ANP32B: variants seen among roughly 807,000 people sequenced by gnomAD.
ANP32B encodes acidic leucine-rich nuclear phosphoprotein 32 family member B.
ANP32B carries 6 observed loss-of-function variants against 32.2 expected under a neutral mutation model. That is an observed-to-expected ratio of 0.19 (90% confidence interval 0.10 to 0.37). ANP32B has a LOEUF of 0.37. Ranked by LOEUF, ANP32B falls within the 10% of genes least tolerant of loss-of-function variation. ANP32B has a pLI of 1.00. For synonymous variants in ANP32B, 98 were observed against 105.8 expected (o/e 0.93, Z 0.45); for missense variants, 204 against 289.2 (o/e 0.71, Z 2.14).
chr9:97,994,606 A>T (rs1284199439), intron 1 of ANP32B, 25 bp from the exon 2 acceptor site: 1 of 1,546,700 alleles, frequency 6.5e-7, no homozygotes. Context: ...TTGAGAGCTT[A>T]TCCTTTTTTC....
intron 4 of ANP32B, among the ~76,000 whole-genome samples, chr9:98,009,820 G>A (rs972732321): frequency 5.9e-5 from 9 of 152,218 alleles, no homozygotes; most frequent in African/African-American, 2.2e-4. Context: ...GAAAATAGAG[G>A]AGGAAAAGCA....
At chr9:97,990,814 C>CTTTTT (rs34489949) in intron 1 of ANP32B, among the ~76,000 whole-genome samples, 9 of 98,886 alleles carry the variant, frequency 9.1e-5, no homozygotes, top group South Asian at 8.1e-4. Context: ...ACAGTTGAAC[C>CTTTTT]TTTTTTTTTT....
chr9:98,001,867 C>T (rs898937547), intron 3 of ANP32B, among the ~76,000 whole-genome samples: 2 of 151,990 alleles, frequency 1.3e-5, no homozygotes, highest in African/African-American at 2.4e-5. Flanking sequence ...AAAAAACCTT[C>T]GATACAAAGT....
chr9:98,001,826 T>G (rs992125861), intron 3 of ANP32B, among the ~76,000 whole-genome samples: 1 of 152,168 alleles, frequency 6.6e-6, no homozygotes, highest in African/African-American at 2.4e-5. Flanking sequence ...TACTGGGTGC[T>G]TTATGCATGT....
At chr9:97,983,966 G>A (rs1467998894) in intron 1 of ANP32B, among the ~76,000 whole-genome samples, 1 of 151,054 alleles carries the variant, frequency 6.6e-6, no homozygotes, top group Non-Finnish European at 1.5e-5. Flanking sequence ...CAGCCTCCCG[G>A]GATGCGCGGC....
intron 4 of ANP32B, among the ~76,000 whole-genome samples, chr9:98,005,519 CAAAAA>C (rs757340988): frequency 6.9e-6 from 1 of 144,294 alleles, no homozygotes; most frequent in African/African-American, 2.6e-5. Flanking sequence ...CAGGGTGTCT[CAAAAA>C]AAAAAGCTAC....
At chr9:98,010,035 T>G (rs778820166) in intron 4 of ANP32B, among the ~76,000 whole-genome samples, 1 of 152,186 alleles carries the variant, frequency 6.6e-6, no homozygotes, top group Non-Finnish European at 1.5e-5. Flanking sequence ...CATTTGTGCT[T>G]GTTGTCTATT....
In ANP32B at chr9:97,998,549, C is replaced by G; in HGVS notation, c.205-7C>G. Reference sequence around the variant, plus strand: ...TGTGTTTGTGTTGTGTCCATTTTCTCTTGCAGCTTGAACTCAGTGAAAATA... The same window carrying G: ...TGTGTTTGTGTTGTGTCCATTTTCTGTTGCAGCTTGAACTCAGTGAAAATA... On this transcript the variant is annotated splice_polypyrimidine_tract_variant and splice_region_variant and intron_variant, in intron 2 of 6. Transcript: ENST00000339399. The G allele has an allele frequency of 6.2e-7, 1 of 1,600,790 alleles. No individual in the cohort carries two copies. Among genetic ancestry groups the G allele is most frequent in the Non-Finnish European group, 8.5e-7 (1 of 1,176,142 alleles).
chr9:97,984,072 G>T (rs532425040), intron 1 of ANP32B, among the ~76,000 whole-genome samples: 2 of 150,124 alleles, frequency 1.3e-5, no homozygotes, highest in South Asian at 4.1e-4. Context: ...GAAGGGGCGC[G>T]GGTGGGGCGG....
chr9:97,989,237 A>G (rs1453329466), intron 1 of ANP32B, among the ~76,000 whole-genome samples: 1 of 152,180 alleles, frequency 6.6e-6, no homozygotes, highest in Admixed American at 6.5e-5. Context: ...AATCATTGTT[A>G]TATCCTCCAG....
chr9:97,983,670 CT>C, intron 1 of ANP32B, 61 bp downstream of exon 1: 1 of 1,356,242 alleles, frequency 7.4e-7, no homozygotes, highest in South Asian at 1.3e-5. Context: ...TGGTGGCCAC[CT>C]GCGGGGCCCG....
At position 97,984,165 on chromosome 9, in the gene ANP32B, T is replaced by A. The variant is rs1242159605; in HGVS notation, c.54+556T>A. 2.7e-5 allele frequency among the ~76,000 whole-genome samples: 4 copies of A among 149,910 alleles called. No individual in the cohort carries two copies. The East Asian group carries it at 8.0e-4, about 30-fold the overall frequency. ...GTCGTGGGGCGAGGAGGGGGCTTTT[T>A]TCTTTTGAAGGGAGCGAGAAGCCCC... On this transcript the variant is annotated intron_variant, in intron 1 of 6. Transcript: ENST00000339399.
At chr9:97,993,946 T>C (rs1827867865) in intron 1 of ANP32B, among the ~76,000 whole-genome samples, 1 of 152,216 alleles carries the variant, frequency 6.6e-6, no homozygotes, top group Non-Finnish European at 1.5e-5. Context: ...TGTGATACTC[T>C]TGGATGGACT....
At position 97,994,567 on chromosome 9, in the gene ANP32B, C is replaced by T. The variant is rs911503126; in HGVS notation, c.55-64C>T. On this transcript the variant is annotated intron_variant, in intron 1 of 6. Coordinates refer to ENST00000339399, the MANE Select transcript of ANP32B (RefSeq NM_006401.3). Reference sequence around the variant, plus strand: ...TGCAGGATATTTATGGTAGAAGTTTCTGCATTGTTGTTTGTTTTCAATGTG... The same window carrying T: ...TGCAGGATATTTATGGTAGAAGTTTTTGCATTGTTGTTTGTTTTCAATGTG... 8 of 1,523,132 alleles carry T rather than the reference C, an allele frequency of 5.3e-6. No homozygotes were observed. The Admixed American group carries it at 8.6e-5, about 16-fold the overall frequency. 94.4% of individuals were successfully genotyped at this position (1,523,132 alleles called of 1,614,324 possible). A position where few individuals can be genotyped will look rare whatever the true frequency, so the allele number is the denominator to read the frequency against.
rs556262687 is a variant in ANP32B, at chr9:98,015,575, C to T, written c.*144C>T. The T allele has an allele frequency of 7.3e-7, 1 of 1,378,750 alleles. No individual in the cohort carries two copies. The highest frequency in any genetic ancestry group is 1.7e-5 in the South Asian group (1 of 58,610). The allele number at this position is 1,378,750 out of a possible 1,614,324, so 85.4% of individuals were successfully genotyped here. On this transcript the variant is annotated 3_prime_UTR_variant, in exon 7 of 7. Coordinates refer to ENST00000339399, the MANE Select transcript of ANP32B (RefSeq NM_006401.3). ...CACCCAAAGAGCCAAAGAATAGTTC[C>T]TGTGACATTCCGCCTTCCTTCCATG...
chr9:98,000,597 A>AT lies in ANP32B; in HGVS notation c.327+1921dup, dbSNP rs768954195. On this transcript the variant is annotated intron_variant, in intron 3 of 6. Coordinates refer to ENST00000339399, the MANE Select transcript of ANP32B (RefSeq NM_006401.3). ...AAGCTGAGTTTAGAGAATGTAGATA[A>AT]TTGCTCAGGAGAAATGGCAGAGTAG... Among the ~76,000 whole-genome samples the AT allele has an allele frequency of 2.6e-5, 4 of 152,142 alleles. No individual in the cohort carries two copies. The South Asian group carries it at 8.3e-4, about 32-fold the overall frequency.
chr9:97,997,252 C>T (rs552760058), intron 2 of ANP32B, among the ~76,000 whole-genome samples: 4 of 152,296 alleles, frequency 2.6e-5, no homozygotes, highest in African/African-American at 9.6e-5. Flanking sequence ...GACTATTTCA[C>T]TGAAATATCC....
intron 3 of ANP32B, among the ~76,000 whole-genome samples, chr9:98,004,252 T>A (rs75734976): frequency 2.4e-3 from 366 of 152,276 alleles, no homozygotes; most frequent in African/African-American, 8.3e-3. Context: ...GCAACAAAAT[T>A]TCAAGGTATG....
Position 98,015,639 on chromosome 9 carries a change from T to C in ANP32B, c.*208T>C, listed in dbSNP as rs1828266443. ...TAATCTACCACCAAGCTTGTGGACT[T>C]CACCCCAACAAAATTGTAAGCGTTG... is the stretch of plus-strand genomic sequence containing the variant. On this transcript the variant is annotated 3_prime_UTR_variant, in exon 7 of 7. Transcript: ENST00000339399. The C allele has an allele frequency of 3.2e-6, 4 of 1,268,880 alleles. No individual in the cohort carries two copies. The East Asian group carries it at 1.3e-4, about 40-fold the overall frequency. The allele number at this position is 1,268,880 out of a possible 1,614,324, so 78.6% of individuals were successfully genotyped here.
Sources: gnomAD v4.1 joint callset for allele counts (sites outside exome capture counted in the v4.1 genomes callset) on GRCh38, gnomAD v4.1.1 for gene constraint, MANE v1.5 for transcripts, NCBI Gene and HGNC (gene_info 2026-07-23, HGNC 2026-07-21) for gene names.